GPC6: variants seen among roughly 807,000 people sequenced by gnomAD.
The protein encoded by GPC6 is glypican 6, also known as glypican-6.
Under a neutral mutation model 55.2 loss-of-function variants are expected in GPC6, and 14 were observed. The ratio of observed to expected loss-of-function variants is 0.25; its 90% CI spans 0.17 to 0.40. GPC6 has a LOEUF of 0.40. Ranked by LOEUF, GPC6 falls within the 10% of genes least tolerant of loss-of-function variation. The probability of loss-of-function intolerance (pLI) is 1.00; values close to 1 mark genes in which losing one functional copy is unlikely to be tolerated. For missense variants in GPC6, 641 were observed against 708.5 expected, an observed-to-expected ratio of 0.90 and a Z score of 1.08; for synonymous variants, 278 against 259.6, an observed-to-expected ratio of 1.07 and a Z score of -0.68.
At chr13:94,273,038 G>T (rs1015638883) in intron 4 of GPC6, among the ~76,000 whole-genome samples, 1 of 152,058 alleles carries the variant, frequency 6.6e-6, no homozygotes, top group Non-Finnish European at 1.5e-5. Context: ...AACTTTGTGA[G>T]GAAATAAAAG....
intron 1 of GPC6, among the ~76,000 whole-genome samples, chr13:93,409,996 G>A (rs186307923): frequency 1.3e-5 from 2 of 152,278 alleles, no homozygotes; most frequent in African/African-American, 4.8e-5. Flanking sequence ...GAAACTTGCT[G>A]TATTAGGTTC....
At chr13:93,586,151 C>A (rs1877189669) in intron 2 of GPC6, among the ~76,000 whole-genome samples, 1 of 151,990 alleles carries the variant, frequency 6.6e-6, no homozygotes, top group Non-Finnish European at 1.5e-5. Flanking sequence ...TGTGTTGCTC[C>A]CCTCTATGTG....
At chr13:94,353,953 C>A (rs1878672281) in intron 6 of GPC6, among the ~76,000 whole-genome samples, 1 of 152,146 alleles carries the variant, frequency 6.6e-6, no homozygotes. Context: ...AAATGCAAAT[C>A]TAGAGTAGCA....
At chr13:93,707,278 C>T (rs2138803241) in intron 2 of GPC6, among the ~76,000 whole-genome samples, 1 of 151,760 alleles carries the variant, frequency 6.6e-6, no homozygotes. Context: ...GGAAAAATAA[C>T]TAATGGGTAC....
intron 1 of GPC6, among the ~76,000 whole-genome samples, chr13:93,236,849 A>G (rs1461829737): frequency 1.3e-5 from 2 of 152,120 alleles, no homozygotes; most frequent in Non-Finnish European, 2.9e-5. Flanking sequence ...GAGTCACTTC[A>G]TTTAGGATAA....
intron 2 of GPC6, among the ~76,000 whole-genome samples, chr13:93,605,033 G>T (rs1233885203): frequency 2.0e-5 from 3 of 152,098 alleles, no homozygotes; most frequent in Non-Finnish European, 4.4e-5. Context: ...AAGAAGAAAT[G>T]GCAATCCTAA....
chr13:93,256,698 T>C (rs2139035511), intron 1 of GPC6, among the ~76,000 whole-genome samples: 1 of 152,340 alleles, frequency 6.6e-6, no homozygotes, highest in East Asian at 1.9e-4. Context: ...AAAAATACTC[T>C]GTATACTACT....
Position 93,617,531 on chromosome 13 carries a change from A to G in GPC6, c.319+72110A>G, listed in dbSNP as rs572431619. ...ATGGTAGCTCAGAAGCTTTCTGAGGATGTTAAGAAGCCCCCTCGGACACAC... is the reference window on the plus strand; with the variant it reads ...ATGGTAGCTCAGAAGCTTTCTGAGGGTGTTAAGAAGCCCCCTCGGACACAC... On this transcript the variant is annotated intron_variant, in intron 2 of 8. Transcript: ENST00000377047. Among the ~76,000 whole-genome samples the G allele has an allele frequency of 3.9e-5, 6 of 152,224 alleles. No individual in the cohort carries two copies. The South Asian group carries it at 1.2e-3, about 32-fold the overall frequency.
chr13:94,100,824 T>G (rs146226652), intron 4 of GPC6, among the ~76,000 whole-genome samples: 1 of 152,374 alleles, frequency 6.6e-6, no homozygotes, highest in Non-Finnish European at 1.5e-5. Context: ...TGATAATAAT[T>G]TCTTTGGAAA....
chr13:94,012,831 T>G (rs1193432606), intron 3 of GPC6, among the ~76,000 whole-genome samples: 1 of 152,198 alleles, frequency 6.6e-6, no homozygotes, highest in Non-Finnish European at 1.5e-5. Context: ...AGGCTAGAAA[T>G]TCATAGCTTT....
chr13:93,788,518 TAC>T lies in GPC6; in HGVS notation c.320-41611_320-41610del, dbSNP rs71203703. ...CCTATTCTGTTCATTGTTCACTCTT[TAC>T]ACACACACACACACACACACACACC... On this transcript the variant is annotated intron_variant, in intron 2 of 8. Transcript: ENST00000377047. Among the ~76,000 whole-genome samples, 96 of 147,900 alleles carry T rather than the reference TAC, an allele frequency of 6.5e-4. 1 individual carries two copies. The highest frequency in any genetic ancestry group is 3.5e-3 in the Middle Eastern group (1 of 288).
rs552044844 is a variant in GPC6, at chr13:93,512,373, T to A, written c.161-32890T>A. Among the ~76,000 whole-genome samples the A allele has an allele frequency of 2.6e-5, 4 of 152,208 alleles. 1 individual carries two copies. The South Asian group carries it at 8.3e-4, about 32-fold the overall frequency. On this transcript the variant is annotated intron_variant, in intron 1 of 8. Transcript: ENST00000377047. ...CTGTCTATGTTTAGTTTGTTTTTAA[T>A]CCTAAAGGGATATTGAATTATATAA...
chr13:93,808,092 G>A (rs75382912), intron 2 of GPC6, among the ~76,000 whole-genome samples: 3,234 of 152,216 alleles, frequency 0.021, 56 homozygotes, highest in Non-Finnish European at 0.034. Context: ...ATAATACAAA[G>A]GAGGCCAAAT....
At chr13:94,331,038 T>A (rs1370394607) in intron 6 of GPC6, among the ~76,000 whole-genome samples, 1 of 152,184 alleles carries the variant, frequency 6.6e-6, no homozygotes, top group Non-Finnish European at 1.5e-5. Flanking sequence ...ACATTTTAGA[T>A]TGATTTGGAG....
intron 1 of GPC6, among the ~76,000 whole-genome samples, chr13:93,424,629 TTCA>T (rs771743814): frequency 1.0e-4 from 13 of 127,188 alleles, no homozygotes; most frequent in African/African-American, 2.4e-4. Flanking sequence ...CATCATCATC[TTCA>T]TCATCATCAT....
chr13:93,681,262 A>C (rs1700776594), intron 2 of GPC6, among the ~76,000 whole-genome samples: 1 of 152,192 alleles, frequency 6.6e-6, no homozygotes, highest in South Asian at 2.1e-4. Flanking sequence ...ATAAAACTAA[A>C]GATAATTTGC....
At chr13:93,583,460 C>T (rs944984318) in intron 2 of GPC6, among the ~76,000 whole-genome samples, 9 of 151,844 alleles carry the variant, frequency 5.9e-5, no homozygotes, top group Non-Finnish European at 1.3e-4. Context: ...TTTTTGTTTC[C>T]CATGCTGGAG....
At chr13:93,327,557 G>A (rs1229067948) in intron 1 of GPC6, among the ~76,000 whole-genome samples, 1 of 152,032 alleles carries the variant, frequency 6.6e-6, no homozygotes. Flanking sequence ...TGTAATGAAA[G>A]GTGCTTAACA....
At chr13:93,333,102 C>A (rs1258901091) in intron 1 of GPC6, among the ~76,000 whole-genome samples, 1 of 151,998 alleles carries the variant, frequency 6.6e-6, no homozygotes, top group East Asian at 1.9e-4. Context: ...TGGTTGTGAT[C>A]GCTTTGTAGT....
Sources: gnomAD v4.1 joint callset for allele counts (sites outside exome capture counted in the v4.1 genomes callset) on GRCh38, gnomAD v4.1.1 for gene constraint, MANE v1.5 for transcripts, NCBI Gene and HGNC (gene_info 2026-07-23, HGNC 2026-07-21) for gene names.